Variants in SEPTIN7 observed in about 807,000 individuals in gnomAD.
SEPTIN7 encodes the protein septin-7.
A neutral mutation model predicts 63.3 loss-of-function variants in SEPTIN7; 10 were observed. The ratio of observed to expected loss-of-function variants is 0.16; its 90% CI spans 0.10 to 0.27. The LOEUF (loss-of-function observed/expected upper bound fraction) is 0.27. SEPTIN7 is among the 10% of genes least tolerant of loss of function. The pLI, the probability that SEPTIN7 is intolerant of heterozygous loss-of-function variation, is 1.00. For missense variants in SEPTIN7, 310 were observed against 521.0 expected (o/e 0.59, Z 3.94); for synonymous variants, 131 against 165.3 (o/e 0.79, Z 1.59).
intron 5 of SEPTIN7, 23 bp from the exon 6 acceptor site, chr7:35,873,618 T>A (rs566730343): frequency 6.3e-7 from 1 of 1,597,460 alleles, no homozygotes; most frequent in South Asian, 1.1e-5. Context: ...TTGCAGCTTG[T>A]TTTGTTTATT....
At chr7:35,806,874 A>G (rs999234086) in intron 1 of SEPTIN7, among the ~76,000 whole-genome samples, 3 of 152,228 alleles carry the variant, frequency 2.0e-5, no homozygotes, top group Admixed American at 6.5e-5. Flanking sequence ...TTTTCAAAGA[A>G]TACAGATTCT....
chr7:35,881,710 A>G (rs752990513), intron 7 of SEPTIN7, among the ~76,000 whole-genome samples: 24 of 151,878 alleles, frequency 1.6e-4, no homozygotes, highest in Non-Finnish European at 2.4e-4. Flanking sequence ...AGGTTTAGGT[A>G]TATTAGCCAT....
chr7:35,907,890 T>C (rs1361678951), downstream of SEPTIN7, among the ~76,000 whole-genome samples: 1 of 152,180 alleles, frequency 6.6e-6, no homozygotes, highest in Non-Finnish European at 1.5e-5. Flanking sequence ...GAGGATTACA[T>C]TGTGACTGCA....
At chr7:35,849,791 A>C (rs7782440) in intron 3 of SEPTIN7, among the ~76,000 whole-genome samples, 2,918 of 152,266 alleles carry the variant, frequency 0.019, 101 homozygotes, top group African/African-American at 0.066. Flanking sequence ...GATCAGTAAA[A>C]GGCCTTCTGG....
chr7:35,897,412 A>AT (rs1657362576), intron 11 of SEPTIN7, among the ~76,000 whole-genome samples: 1 of 152,208 alleles, frequency 6.6e-6, no homozygotes, highest in South Asian at 2.1e-4. Context: ...TAGCCTTAAC[A>AT]TAAAGCCCAC....
chr7:35,838,029 G>A lies in SEPTIN7; in HGVS notation c.169+5129G>A, dbSNP rs534130959. ...CAGGTGTGAGCCACCACACCTGGCCGTCGCAAGTTATTGTTTATTTATCTT... is the reference window on the plus strand; with the variant it reads ...CAGGTGTGAGCCACCACACCTGGCCATCGCAAGTTATTGTTTATTTATCTT... On this transcript the variant is annotated intron_variant, in intron 3 of 13. Transcript: ENST00000350320. Among the ~76,000 whole-genome samples the A allele has an allele frequency of 5.9e-5, 9 of 151,870 alleles. No individual in the cohort carries two copies. The South Asian group carries it at 6.2e-4, about 11-fold the overall frequency.
chr7:35,827,197 A>G (rs1783560121), intron 1 of SEPTIN7, among the ~76,000 whole-genome samples: 1 of 152,218 alleles, frequency 6.6e-6, no homozygotes, highest in Non-Finnish European at 1.5e-5. Context: ...TTAAATGACT[A>G]ATGTTTGAAA....
chr7:35,872,771 G>A lies in SEPTIN7; in HGVS notation c.377+5G>A, dbSNP rs1273358525. The stretch of plus-strand genomic sequence containing the variant: ...TGCAGTGGATAATAGTAATTGGTAA[G>A]AAGGGTTTGTCCTCACAACTTTGCA... On this transcript the variant is annotated splice_donor_5th_base_variant and intron_variant, in intron 5 of 13. Transcript: ENST00000350320. 1.9e-6 allele frequency: 3 copies of A among 1,598,772 alleles called. No homozygotes were observed. In the African/African-American group the frequency reaches 4.0e-5, roughly 21 times the overall value.
chr7:35,845,221 G>C (rs982276869), intron 3 of SEPTIN7, among the ~76,000 whole-genome samples: 3 of 151,722 alleles, frequency 2.0e-5, no homozygotes, highest in Non-Finnish European at 2.9e-5. Context: ...GTATATGAGT[G>C]TACTACATAT....
At chr7:35,883,478 A>G (rs556107054) in intron 8 of SEPTIN7, among the ~76,000 whole-genome samples, 8 of 152,168 alleles carry the variant, frequency 5.3e-5, no homozygotes, top group African/African-American at 1.7e-4. Flanking sequence ...CAAATATACT[A>G]TTACCTGGTT....
At chr7:35,865,070 A>C (rs1785732575) in intron 4 of SEPTIN7, among the ~76,000 whole-genome samples, 1 of 150,384 alleles carries the variant, frequency 6.6e-6, no homozygotes, top group Non-Finnish European at 1.5e-5. Flanking sequence ...ATTTAAAATT[A>C]CCTGCAAAAT....
At chr7:35,893,190 T>G (rs1787752939) in intron 11 of SEPTIN7, among the ~76,000 whole-genome samples, 1 of 149,888 alleles carries the variant, frequency 6.7e-6, no homozygotes, top group Non-Finnish European at 1.5e-5. Flanking sequence ...GGTGTGAGTT[T>G]AGGCTTCTTT....
chr7:35,826,441 GT>G (rs1783521814), intron 1 of SEPTIN7, among the ~76,000 whole-genome samples: 2 of 150,808 alleles, frequency 1.3e-5, no homozygotes, highest in Non-Finnish European at 1.5e-5. Flanking sequence ...GCAGATTGGA[GT>G]TATTTAGAAA....
At position 35,898,240 on chromosome 7, in the gene SEPTIN7, C is replaced by G. The variant is rs897694656; in HGVS notation, c.999-8C>G. ...ACATTTAATGATTACCCTTAATATT[C>G]GTGACAGGAGCCCTCTGGCACAAAT... On this transcript the variant is annotated splice_region_variant and splice_polypyrimidine_tract_variant and intron_variant, in intron 11 of 13. Coordinates refer to ENST00000350320, the MANE Select transcript of SEPTIN7 (RefSeq NM_001788.6). 1 of 1,525,606 alleles carries G rather than the reference C, an allele frequency of 6.6e-7. No homozygotes were observed. Among genetic ancestry groups the G allele is most frequent in the South Asian group, 1.2e-5 (1 of 80,014 alleles). The allele number at this position is 1,525,606 out of a possible 1,614,324, so 94.5% of individuals were successfully genotyped here. A position where few individuals can be genotyped will look rare whatever the true frequency, so the allele number is the denominator to read the frequency against.
At chr7:35,852,045 A>G (rs1784986837) in intron 3 of SEPTIN7, among the ~76,000 whole-genome samples, 1 of 152,148 alleles carries the variant, frequency 6.6e-6, no homozygotes, top group South Asian at 2.1e-4. Flanking sequence ...CCTTATTCTT[A>G]GTAGTTGCAC....
At chr7:35,828,004 T>C (rs1783606969) in intron 1 of SEPTIN7, among the ~76,000 whole-genome samples, 1 of 152,228 alleles carries the variant, frequency 6.6e-6, no homozygotes, top group Non-Finnish European at 1.5e-5. Flanking sequence ...GTCAGCACTT[T>C]GCTAAGAACA....
chr7:35,810,042 A>G (rs945333028), intron 1 of SEPTIN7, among the ~76,000 whole-genome samples: 21 of 152,156 alleles, frequency 1.4e-4, no homozygotes, highest in African/African-American at 4.6e-4. Flanking sequence ...AATAGATGCT[A>G]TTTCTTGAAA....
At chr7:35,845,543 G>T (rs780575690) in intron 3 of SEPTIN7, among the ~76,000 whole-genome samples, 63 of 152,140 alleles carry the variant, frequency 4.1e-4, no homozygotes, top group Non-Finnish European at 8.4e-4. Flanking sequence ...TTTAAAAGAT[G>T]GTTGAGAATT....
rs531143790 is a variant in SEPTIN7, at chr7:35,811,464, T to C, written c.61+10194T>C. On this transcript the variant is annotated intron_variant, in intron 1 of 13. Coordinates refer to ENST00000350320, the MANE Select transcript of SEPTIN7 (RefSeq NM_001788.6). ...AGTTAATTTGTATTCTTTCTAAATA[T>C]ATAGGTTGTAATTAGGGGTGTATTA... 1.9e-4 allele frequency among the ~76,000 whole-genome samples: 29 copies of C among 152,302 alleles called. 1 individual carries two copies. In the South Asian group the frequency reaches 5.2e-3, roughly 27 times the overall value.
Sources: allele counts gnomAD v4.1 joint callset (sites outside exome capture counted in the v4.1 genomes callset), GRCh38; gene constraint gnomAD v4.1.1; transcripts MANE v1.5; gene names NCBI Gene and HGNC (gene_info 2026-07-23, HGNC 2026-07-21).